The following LRP1 variants were observed in gnomAD, a reference collection of about 807,000 sequenced individuals.
LRP1 encodes the protein prolow-density lipoprotein receptor-related protein 1.
LRP1 carries 51 observed loss-of-function variants against 541.5 expected under a neutral mutation model. The observed-to-expected ratio is 0.09, with a 90% CI of 0.08 to 0.12. The LOEUF is 0.12. Ranked by LOEUF, LRP1 falls within the 10% of genes least tolerant of loss-of-function variation. LRP1 has a pLI of 1.00. For missense variants in LRP1, 3,878 were observed against 6,376.2 expected, an observed-to-expected ratio of 0.61 and a Z score of 13.34; for synonymous variants, 2,219 against 2,470.8, an observed-to-expected ratio of 0.90 and a Z score of 3.02.
chr12:57,141,238 G>T, intron 2 of LRP1, 136 bp from the exon 3 acceptor site: 1 of 909,864 alleles, frequency 1.1e-6, no homozygotes, highest in Non-Finnish European at 1.7e-6. Context: ...AGAGTTCCAG[G>T]TGGAAGAGTC....
At chr12:57,133,567 G>C (rs2035083967) in intron 1 of LRP1, among the ~76,000 whole-genome samples, 1 of 152,010 alleles carries the variant, frequency 6.6e-6, no homozygotes, top group South Asian at 2.1e-4. Context: ...GGCCCTTGCT[G>C]CCCCACCCCC....
At position 57,199,904 on chromosome 12, in the gene LRP1, A is replaced by G. The variant is rs1271834801; in HGVS notation, c.9893A>G (p.Asn3298Ser). 1.9e-6 allele frequency: 3 copies of G among 1,595,142 alleles called. No homozygotes were observed. The highest frequency in any genetic ancestry group is 3.3e-4 in the Middle Eastern group (2 of 6,022). Residue 3298 changes from asparagine to serine, a missense_variant, in exon 62 of 89, where the codon AAT becomes AGT. Around this residue, in one of 13 missense-constraint regions of LRP1, gnomAD observed 1,100 missense variants for 1,827.4 expected, o/e 0.60. Coordinates refer to ENST00000243077, the MANE Select transcript of LRP1 (RefSeq NM_002332.3). ...DVPNHPCKVN[N>S]GGCSNLCLLS... ...CCCAATCACCCCTGCAAGGTCAACA[A>G]TGGTGGCTGCAGCAACCTGTGCCTG...
chr12:57,209,755 A>G lies in LRP1; in HGVS notation c.12326A>G (p.Asn4109Ser), dbSNP rs1213913955. The G allele has an allele frequency of 3.4e-5, 55 of 1,614,080 alleles. No individual in the cohort carries two copies. The highest frequency in any genetic ancestry group is 4.5e-5 in the Non-Finnish European group (53 of 1,180,040). ...TACATCTATGGTGTCACCTACATCA[A>G]TAATCGTGTCTTCAAGATCCATAAG... ...EDYIYGVTYI[N>S]NRVFKIHKFG... The change falls in exon 80 of 89, where the codon AAT becomes AGT. Residue 4109 changes from asparagine (N) to serine (S), a missense_variant. Transcript: ENST00000243077.
chr12:57,134,776 T>C (rs922622434), intron 1 of LRP1, among the ~76,000 whole-genome samples: 2 of 152,008 alleles, frequency 1.3e-5, no homozygotes, highest in Non-Finnish European at 2.9e-5. Flanking sequence ...GCGATCTCAG[T>C]TCACTGCAAG....
At position 57,210,373 on chromosome 12, in the gene LRP1, G is replaced by T. The variant is rs2036882619; in HGVS notation, c.12647G>T (p.Arg4216Met). The T allele has an allele frequency of 3.1e-6, 5 of 1,605,390 alleles. No individual in the cohort carries two copies. The East Asian group carries it at 1.1e-4, about 36-fold the overall frequency. Residue 4216 changes from arginine (R) to methionine (M), a missense_variant, in exon 82 of 89, where the codon AGG becomes ATG. Transcript: ENST00000243077. The stretch of plus-strand genomic sequence containing the variant: ...GGCAGCTGTTTCCTCAATGCACGGA[G>T]GCAGCCCAAGTGCCGCTGCCAACCC... ...NGGSCFLNAR[R>M]QPKCRCQPRY... is the part of the protein sequence containing the mutation.
intron 44 of LRP1, among the ~76,000 whole-genome samples, chr12:57,191,722 AC>A (rs1200221732): frequency 7.5e-6 from 1 of 133,370 alleles, no homozygotes; most frequent in Non-Finnish European, 1.6e-5. Context: ...CACCATACAC[AC>A]CCCCCACACA....
Position 57,205,764 on chromosome 12 carries a change from C to A in LRP1, c.11590+87C>A. On this transcript the variant is annotated intron_variant, in intron 75 of 88. Coordinates refer to ENST00000243077, the MANE Select transcript of LRP1 (RefSeq NM_002332.3). This position sits in a 1 kb window ranked among gnomAD's most constrained non-coding sequence, Gnocchi z 4.6. Reference sequence around the variant, plus strand: ...GGGCCGACTTGGAATGGAATGTCTTCCTGCGGACATCTTGCCCAGACAAGA... The same window carrying A: ...GGGCCGACTTGGAATGGAATGTCTTACTGCGGACATCTTGCCCAGACAAGA... 6.5e-7 allele frequency: 1 copy of A among 1,550,318 alleles called. No homozygotes were observed. Among genetic ancestry groups the A allele is most frequent in the Non-Finnish European group, 8.7e-7 (1 of 1,148,192 alleles).
Position 57,156,317 on chromosome 12 carries a change from CTT to C in LRP1, c.1417+36_1417+37del, listed in dbSNP as rs1017791442. The C allele has an allele frequency of 6.2e-7, 1 of 1,606,236 alleles. No homozygotes were observed. Among genetic ancestry groups the C allele is most frequent in the African/African-American group, 1.3e-5 (1 of 74,796 alleles). On this transcript the variant is annotated intron_variant, in intron 9 of 88. Transcript: ENST00000243077. This position sits in a 1 kb window ranked among gnomAD's most constrained non-coding sequence, Gnocchi z 5.2. ...GGCTCCATGGCCCCTCCAAAGCTGG[CTT>C]TACCCCATGATGGCTCTGGGACCTT...
intron 10 of LRP1, 97 bp downstream of exon 10, chr12:57,157,017 G>T: frequency 7.2e-7 from 1 of 1,387,336 alleles, no homozygotes; most frequent in South Asian, 1.5e-5. Flanking sequence ...TGACATGCAG[G>T]GAGATGAAGG....
At position 57,211,640 on chromosome 12, in the gene LRP1, G is replaced by T; in HGVS notation, c.13193+52G>T. On this transcript the variant is annotated intron_variant, in intron 85 of 88. Coordinates refer to ENST00000243077, the MANE Select transcript of LRP1 (RefSeq NM_002332.3). This position sits in a 1 kb window ranked among gnomAD's most constrained non-coding sequence, Gnocchi z 4.3. ...GCATAGATCATCGCTCCCTTCCCCA[G>T]ATTTGAGCAGGAGGACCGTCAGGCC... 6.2e-7 allele frequency: 1 copy of T among 1,606,250 alleles called. No individual in the cohort carries two copies. Among genetic ancestry groups the T allele is most frequent in the Non-Finnish European group, 8.5e-7 (1 of 1,173,166 alleles).
In LRP1 at chr12:57,145,151, G is replaced by A. The variant is rs760330131; in HGVS notation, c.577+51G>A. On this transcript the variant is annotated intron_variant, in intron 5 of 88. Transcript: ENST00000243077. ...GTGCTAACTAAGCCCCCTCAATGCT[G>A]TTCCCTGGTGGGTGGTGGCCTGAGA... 16 of 1,613,420 alleles carry A rather than the reference G, an allele frequency of 9.9e-6. No individual in the cohort carries two copies. The East Asian group carries it at 3.6e-4, about 36-fold the overall frequency.
At chr12:57,129,960 C>T (rs1450473446) in intron 1 of LRP1, among the ~76,000 whole-genome samples, 1 of 152,172 alleles carries the variant, frequency 6.6e-6, no homozygotes, top group African/African-American at 2.4e-5. Context: ...GCCCAAAACC[C>T]CATACACACA....
chr12:57,128,497 A>C lies in LRP1; in HGVS notation c.-468A>C. The C allele has an allele frequency of 7.9e-6, 1 of 126,612 alleles. No homozygotes were observed. The highest frequency in any genetic ancestry group is 1.6e-5 in the Non-Finnish European group (1 of 62,768). 7.8% of individuals were successfully genotyped at this position (126,612 alleles called of 1,614,324 possible). A position where few individuals can be genotyped will look rare whatever the true frequency, so the allele number is the denominator to read the frequency against. ...CCCCCCTCGGCACTTCAGTCCGGGG[A>C]ACAGCGGTGCGAGCTCCAGGCCCAT... is the stretch of plus-strand genomic sequence containing the variant. On this transcript the variant is annotated 5_prime_UTR_variant, in exon 1 of 89. Coordinates refer to ENST00000243077, the MANE Select transcript of LRP1 (RefSeq NM_002332.3).
Position 57,187,263 on chromosome 12 carries a change from A to T in LRP1, c.6842-4A>T. On this transcript the variant is annotated splice_region_variant and splice_polypyrimidine_tract_variant and intron_variant, in intron 41 of 88. Coordinates refer to ENST00000243077, the MANE Select transcript of LRP1 (RefSeq NM_002332.3). Reference sequence around the variant, plus strand: ...GACAAATCGCTGCTCCTGTCTCTTCACAGACGTGGGCTCCGTGGAAGGCCT... The same window carrying T: ...GACAAATCGCTGCTCCTGTCTCTTCTCAGACGTGGGCTCCGTGGAAGGCCT... 1 of 1,610,092 alleles carries T rather than the reference A, an allele frequency of 6.2e-7. No individual in the cohort carries two copies. The highest frequency in any genetic ancestry group is 8.5e-7 in the Non-Finnish European group (1 of 1,177,758).
chr12:57,193,331 T>C (rs773789554), intron 46 of LRP1, 27 bp downstream of exon 46: 3 of 1,605,838 alleles, frequency 1.9e-6, no homozygotes, highest in Non-Finnish European at 2.5e-6. Context: ...AGCCCCTGCC[T>C]CTTCCAGGCC....
intron 2 of LRP1, among the ~76,000 whole-genome samples, chr12:57,140,562 G>T (rs2035268388): frequency 6.6e-6 from 1 of 152,124 alleles, no homozygotes; most frequent in South Asian, 2.1e-4. Flanking sequence ...CCTTTCAAGT[G>T]CTTGATAGCC....
intron 44 of LRP1, among the ~76,000 whole-genome samples, chr12:57,191,948 C>A (rs1219838189): frequency 1.0e-4 from 15 of 148,638 alleles, no homozygotes; most frequent in South Asian, 2.1e-4. Flanking sequence ...ACACCACATA[C>A]ACACACCACA....
intron 67 of LRP1, 92 bp from the exon 68 acceptor site, chr12:57,202,329 C>T: frequency 9.8e-7 from 1 of 1,025,562 alleles, no homozygotes; most frequent in South Asian, 1.3e-5. Context: ...GGATGCCCAC[C>T]CTCCCTGCCA....
chr12:57,196,177 G>C lies in LRP1; in HGVS notation c.8792G>C (p.Gly2931Ala), dbSNP rs2036528789. ...CTCTGCAACGGCCAGGATGACTGTGGCGACAGCTCGGACGAGCGTGGCTGC... is the reference window on the plus strand; with the variant it reads ...CTCTGCAACGGCCAGGATGACTGTGCCGACAGCTCGGACGAGCGTGGCTGC... ...ALLCNGQDDC[G>A]DSSDERGCHI... is the part of the protein sequence containing the mutation. The change falls in exon 55 of 89, where the codon GGC becomes GCC. Residue 2931 changes from glycine (G) to alanine (A), a missense_variant. Coordinates refer to ENST00000243077, the MANE Select transcript of LRP1 (RefSeq NM_002332.3). 1.2e-6 allele frequency: 2 copies of C among 1,612,728 alleles called. No homozygotes were observed. Among genetic ancestry groups the C allele is most frequent in the South Asian group, 1.1e-5 (1 of 91,066 alleles).
Sources: gnomAD v4.1 joint callset for allele counts (sites outside exome capture counted in the v4.1 genomes callset) on GRCh38, gnomAD v4.1.1 for gene constraint, gnomAD v4.1.1 regional missense constraint, Gnocchi (gnomAD v3.1) non-coding constraint, MANE v1.5 for transcripts, NCBI Gene and HGNC (gene_info 2026-07-23, HGNC 2026-07-21) for gene names.